Variants in RIMS2 observed in about 807,000 individuals in gnomAD.
RIMS2 encodes regulating synaptic membrane exocytosis protein 2.
A neutral mutation model predicts 174.4 loss-of-function variants in RIMS2; 59 were observed. That is an observed-to-expected ratio of 0.34 (90% confidence interval 0.27 to 0.42). The LOEUF (loss-of-function observed/expected upper bound fraction) is 0.42, where lower values mean the gene tolerates loss of function less well. RIMS2 is among the 10% of genes least tolerant of loss of function. The pLI is 1.00. For missense variants in RIMS2, 1,620 were observed against 1,666.3 expected, an observed-to-expected ratio of 0.97 and a Z score of 0.48; for synonymous variants, 606 against 572.5, an observed-to-expected ratio of 1.06 and a Z score of -0.84.
chr8:103,671,548 T>C (rs1450907691), intron 1 of RIMS2, among the ~76,000 whole-genome samples: 1 of 152,222 alleles, frequency 6.6e-6, no homozygotes, highest in Non-Finnish European at 1.5e-5. Context: ...AAGGTGCTTC[T>C]TATGGTCCTT....
intron 1 of RIMS2, among the ~76,000 whole-genome samples, chr8:103,575,466 C>T (rs1490948208): frequency 6.6e-6 from 1 of 151,798 alleles, no homozygotes; most frequent in Non-Finnish European, 1.5e-5. Flanking sequence ...ATGTACTCAC[C>T]AAAAGAAAAG....
intron 15 of RIMS2, among the ~76,000 whole-genome samples, chr8:103,962,827 G>A (rs914573205): frequency 8.5e-5 from 13 of 152,102 alleles, no homozygotes; most frequent in Non-Finnish European, 1.9e-4. Context: ...GATACCTATT[G>A]AGTGTACTAA....
At chr8:104,153,687 T>G (rs547997090) in intron 19 of RIMS2, among the ~76,000 whole-genome samples, 1 of 152,208 alleles carries the variant, frequency 6.6e-6, no homozygotes, top group African/African-American at 2.4e-5. Context: ...ATATGGTAAC[T>G]TGAATCAAGA....
chr8:103,581,118 G>A (rs548760396), intron 1 of RIMS2, among the ~76,000 whole-genome samples: 5 of 151,934 alleles, frequency 3.3e-5, no homozygotes, highest in Non-Finnish European at 5.9e-5. Flanking sequence ...ACACCTGGCC[G>A]AGAAGGGAAT....
chr8:103,921,900 C>T, intron 10 of RIMS2, 116 bp downstream of exon 13: 1 of 459,346 alleles, frequency 2.2e-6, no homozygotes, highest in Non-Finnish European at 3.9e-6. Flanking sequence ...CTTTTAACCT[C>T]CCACTTTCTC....
chr8:103,912,237 A>C, intron 6 of RIMS2, 65 bp downstream of exon 9: 1 of 1,316,286 alleles, frequency 7.6e-7, no homozygotes, highest in East Asian at 2.4e-5. Context: ...AAAGCAAAGG[A>C]TAACTCTTTC....
At chr8:104,057,881 C>T (rs2096901719) in intron 19 of RIMS2, among the ~76,000 whole-genome samples, 1 of 151,658 alleles carries the variant, frequency 6.6e-6, no homozygotes, top group African/African-American at 2.4e-5. Flanking sequence ...ATCCATGTCC[C>T]TACAAAGGAC....
Position 103,592,693 on chromosome 8 carries a change from A to C in RIMS2, c.176+91631A>C, listed in dbSNP as rs560341898. On this transcript the variant is annotated intron_variant, in intron 1 of 23. Coordinates refer to ENST00000504942, the Ensembl canonical transcript of RIMS2. The stretch of plus-strand genomic sequence containing the variant: ...GCTTTTTATGGTTTTTTATATTTAC[A>C]TCTGGTGCAGAAGCAATGCAGGTAA... Among the ~76,000 whole-genome samples, 6 of 151,506 alleles carry C rather than the reference A, an allele frequency of 4.0e-5. No individual in the cohort carries two copies. The South Asian group carries it at 1.0e-3, about 26-fold the overall frequency.
At chr8:103,846,840 G>A (rs2098970344) in intron 3 of RIMS2, among the ~76,000 whole-genome samples, 1 of 152,008 alleles carries the variant, frequency 6.6e-6, no homozygotes. Context: ...GACATACCTG[G>A]TAGATTGACT....
chr8:103,867,534 T>A (rs1428260619), intron 3 of RIMS2, among the ~76,000 whole-genome samples: 1 of 151,816 alleles, frequency 6.6e-6, no homozygotes, highest in Non-Finnish European at 1.5e-5. Context: ...ATGCAAGGAG[T>A]TAGTCTTTGA....
chr8:104,225,097 C>T (rs1388913679), intron 19 of RIMS2, among the ~76,000 whole-genome samples: 1 of 152,158 alleles, frequency 6.6e-6, no homozygotes, highest in Non-Finnish European at 1.5e-5. Context: ...AATGAATGAT[C>T]ATAATTGTAG....
At chr8:103,637,632 T>A (rs184608189) in intron 1 of RIMS2, among the ~76,000 whole-genome samples, 2 of 152,338 alleles carry the variant, frequency 1.3e-5, no homozygotes, top group African/African-American at 4.8e-5. Flanking sequence ...GTTGCAAAGA[T>A]GGTTCAGAGA....
intron 16 of RIMS2, 129 bp downstream of exon 18, chr8:103,975,635 T>TAA (rs2093348727): frequency 3.3e-6 from 2 of 611,756 alleles, no homozygotes; most frequent in Non-Finnish European, 5.5e-6. Flanking sequence ...CATATGATTA[T>TAA]AAGACAAAGT....
chr8:103,936,756 A>G, intron 13 of RIMS2, 34 bp downstream of exon 15: 11 of 1,479,332 alleles, frequency 7.4e-6, no homozygotes, highest in African/African-American at 1.4e-5. Context: ...TATGCTATTC[A>G]TGTTATCCTG....
chr8:103,510,295 A>G (rs1825825139), intron 1 of RIMS2, among the ~76,000 whole-genome samples: 1 of 152,142 alleles, frequency 6.6e-6, no homozygotes, highest in African/African-American at 2.4e-5. Context: ...TTGTTGGCAT[A>G]TTTGGTATCT....
intron 2 of RIMS2, among the ~76,000 whole-genome samples, chr8:103,714,699 C>A (rs2097347942): frequency 6.6e-6 from 1 of 151,876 alleles, no homozygotes; most frequent in African/African-American, 2.4e-5. Context: ...GAGGAAATAT[C>A]AGAGGTGGAA....
At chr8:103,986,787 C>T (rs1018690662) in intron 16 of RIMS2, among the ~76,000 whole-genome samples, 1 of 151,558 alleles carries the variant, frequency 6.6e-6, no homozygotes, top group Non-Finnish European at 1.5e-5. Context: ...GCAGGAGAAT[C>T]GCTTGTACCT....
intron 19 of RIMS2, among the ~76,000 whole-genome samples, chr8:104,125,861 G>A (rs1019413606): frequency 2.6e-5 from 4 of 152,138 alleles, no homozygotes; most frequent in Non-Finnish European, 5.9e-5. Flanking sequence ...TATTTGCGGG[G>A]AAAGTTTTCA....
At chr8:103,747,072 TTTC>T (rs1182567844) in intron 2 of RIMS2, among the ~76,000 whole-genome samples, 1 of 126,322 alleles carries the variant, frequency 7.9e-6, no homozygotes, top group African/African-American at 3.1e-5. Flanking sequence ...CATGATCTTC[TTTC>T]TTTTTTTTTT....
Sources: allele counts gnomAD v4.1 joint callset (sites outside exome capture counted in the v4.1 genomes callset), GRCh38; gene constraint gnomAD v4.1.1; transcripts MANE v1.5; gene names NCBI Gene and HGNC (gene_info 2026-07-23, HGNC 2026-07-21).